Variants in UBXN7 observed in about 807,000 individuals in gnomAD.
UBXN7 encodes the protein UBX domain protein 7.
UBXN7 carries 9 observed loss-of-function variants against 58.0 expected under a neutral mutation model. The observed-to-expected ratio is 0.16, with a 90% CI of 0.09 to 0.27. The LOEUF (loss-of-function observed/expected upper bound fraction) is 0.27, where lower values mean the gene tolerates loss of function less well. UBXN7 is among the 10% of genes least tolerant of loss of function. The probability of loss-of-function intolerance (pLI) is 1.00; values close to 1 mark genes in which losing one functional copy is unlikely to be tolerated. For missense variants in UBXN7, 328 were observed against 599.6 expected, an observed-to-expected ratio of 0.55 and a Z score of 4.73; for synonymous variants, 208 against 205.0, an observed-to-expected ratio of 1.01 and a Z score of -0.12.
At chr3:196,381,097 T>C (rs1423649063) in intron 5 of UBXN7, among the ~76,000 whole-genome samples, 1 of 152,188 alleles carries the variant, frequency 6.6e-6, no homozygotes, top group Non-Finnish European at 1.5e-5. Context: ...GACTTAAACG[T>C]CCCTGTCTAA....
chr3:196,411,559 C>T (rs551621937), intron 1 of UBXN7, among the ~76,000 whole-genome samples: 57 of 152,306 alleles, frequency 3.7e-4, no homozygotes, highest in African/African-American at 1.3e-3. Flanking sequence ...CATCTGTAAT[C>T]CCAGCACTTT....
rs1730191300 is a variant in UBXN7, at chr3:196,407,302, G to A, written c.165C>T (p.Ile55=). 1 of 1,613,862 alleles carries A rather than the reference G, an allele frequency of 6.2e-7. No individual in the cohort carries two copies. Among genetic ancestry groups the A allele is most frequent in the Non-Finnish European group, 8.5e-7 (1 of 1,180,022 alleles). ...AVTMFLDGGG[I]AEEPSTSSAS... ...CTGAACTGGTACTGGGCTCTTCAGCGATTCCTCCACCATCCAAAAACATAG... is the reference window on the plus strand; with the variant it reads ...CTGAACTGGTACTGGGCTCTTCAGCAATTCCTCCACCATCCAAAAACATAG... The change falls in exon 2 of 11, where the codon ATC becomes ATT. Residue 55 remains isoleucine, a synonymous_variant. Coordinates refer to ENST00000296328, the MANE Select transcript of UBXN7 (RefSeq NM_015562.2).
intron 5 of UBXN7, 110 bp downstream of exon 5, chr3:196,391,703 C>T: frequency 1.4e-6 from 1 of 739,282 alleles, no homozygotes; most frequent in Non-Finnish European, 2.2e-6. Context: ...CACTGCAGTC[C>T]AGCCTGGACG....
At position 196,371,950 on chromosome 3, in the gene UBXN7, C is replaced by T. The variant is rs1429840730; in HGVS notation, c.561G>A (p.Val187=). 6.2e-7 allele frequency: 1 copy of T among 1,613,918 alleles called. No individual in the cohort carries two copies. Among genetic ancestry groups the T allele is most frequent in the African/African-American group, 1.3e-5 (1 of 75,038 alleles). The change falls in exon 6 of 11, where the codon GTG becomes GTA. Residue 187 remains valine, a synonymous_variant. Transcript: ENST00000296328. ...DFACQCLNRD[V]WSNEAVKNII... is the part of the protein sequence containing the mutation. ...TATTCTTCACAGCTTCGTTGCTCCA[C>T]ACATCGCGGTTGAGGCACTGACATG...
At chr3:196,417,279 T>C (rs1730526473) in intron 1 of UBXN7, among the ~76,000 whole-genome samples, 1 of 152,124 alleles carries the variant, frequency 6.6e-6, no homozygotes, top group Admixed American at 6.6e-5. Context: ...GCGACTGCAC[T>C]CCAGCCTGGG....
In UBXN7 at chr3:196,355,837, G is replaced by C. The variant is rs1728330524; in HGVS notation, c.*848C>G. The C allele has an allele frequency of 6.6e-6, 1 of 152,144 alleles. No homozygotes were observed. The highest frequency in any genetic ancestry group is 1.5e-5 in the Non-Finnish European group (1 of 68,038). 9.4% of individuals were successfully genotyped at this position (152,144 alleles called of 1,614,324 possible). ...ATCACTGCAGACTCAGACAATGGAG[G>C]GCTCCAAAGGAACTAATATGCTGTG... is the stretch of plus-strand genomic sequence containing the variant. On this transcript the variant is annotated 3_prime_UTR_variant, in exon 11 of 11. Coordinates refer to ENST00000296328, the MANE Select transcript of UBXN7 (RefSeq NM_015562.2).
At position 196,420,316 on chromosome 3, in the gene UBXN7, T is replaced by C. The variant is rs1374928060; in HGVS notation, c.73+12011A>G. On this transcript the variant is annotated intron_variant, in intron 1 of 10. Coordinates refer to ENST00000296328, the MANE Select transcript of UBXN7 (RefSeq NM_015562.2). ...GGGAGGCCAAGGTGGGTGGATCACC[T>C]GAAGTCAGAAGTTTGAGACCAGCTA... Among the ~76,000 whole-genome samples the C allele has an allele frequency of 2.6e-5, 4 of 152,180 alleles. No homozygotes were observed. In the South Asian group the frequency reaches 8.3e-4, roughly 32 times the overall value.
intron 5 of UBXN7, among the ~76,000 whole-genome samples, chr3:196,375,040 A>AAGGAAGGAAGGAAGGAAGGAAGGAAGGG (rs1356697769): frequency 9.6e-5 from 13 of 135,380 alleles, no homozygotes; most frequent in South Asian, 5.5e-4. Flanking sequence ...GGAAGGAAGG[A>AAGGAAGGAAGGAAGGAAGGAAGGAAGGG]AGGGAAAGGA....
At chr3:196,403,758 A>C (rs371498780) in intron 2 of UBXN7, among the ~76,000 whole-genome samples, 3 of 152,206 alleles carry the variant, frequency 2.0e-5, no homozygotes, top group Non-Finnish European at 4.4e-5. Context: ...GCTAATTATG[A>C]AAGAGGCTAA....
At chr3:196,385,979 T>C (rs1017208995) in intron 5 of UBXN7, among the ~76,000 whole-genome samples, 3 of 152,210 alleles carry the variant, frequency 2.0e-5, no homozygotes, top group African/African-American at 7.2e-5. Context: ...GGATTGTTAC[T>C]GTGTCTGCGT....
chr3:196,389,533 G>C (rs529365978), intron 5 of UBXN7, among the ~76,000 whole-genome samples: 1 of 152,276 alleles, frequency 6.6e-6, no homozygotes, highest in South Asian at 2.1e-4. Context: ...CCCCAGTGTT[G>C]GGGGTGGGGC....
rs1039888732 is a variant in UBXN7 at position 196,356,055 on chromosome 3, C to G, written c.*630G>C. Reference sequence around the variant, plus strand: ...CAATAACACATGTCATGGAAATAGTCCTTATAGCTGGGAACATGAAAATCC... The same window carrying G: ...CAATAACACATGTCATGGAAATAGTGCTTATAGCTGGGAACATGAAAATCC... On this transcript the variant is annotated 3_prime_UTR_variant, in exon 11 of 11. Transcript: ENST00000296328. The G allele has an allele frequency of 1.3e-5, 2 of 152,542 alleles. No individual in the cohort carries two copies. The highest frequency in any genetic ancestry group is 2.9e-5 in the Non-Finnish European group (2 of 68,050). 9.4% of individuals were successfully genotyped at this position (152,542 alleles called of 1,614,324 possible).
At chr3:196,382,338 A>G (rs1193760066) in intron 5 of UBXN7, among the ~76,000 whole-genome samples, 2 of 152,240 alleles carry the variant, frequency 1.3e-5, no homozygotes, top group Non-Finnish European at 2.9e-5. Context: ...AATATTCGAC[A>G]TTCTTAAAGA....
intron 1 of UBXN7, among the ~76,000 whole-genome samples, chr3:196,426,311 G>C (rs2108627460): frequency 6.6e-6 from 1 of 151,538 alleles, no homozygotes; most frequent in South Asian, 2.1e-4. Context: ...ACTTGAACCG[G>C]GGAGGCGGAG....
intron 5 of UBXN7, among the ~76,000 whole-genome samples, chr3:196,376,823 A>G (rs1211679156): frequency 6.6e-6 from 1 of 151,964 alleles, no homozygotes; most frequent in Non-Finnish European, 1.5e-5. Context: ...AGGCTGGTTA[A>G]TCACTGGAGC....
At chr3:196,431,988 T>C in intron 1 of UBXN7, 1 of 484,388 alleles carries the variant, frequency 2.1e-6, no homozygotes, top group South Asian at 2.0e-5. Context: ...AGGAGGGCGG[T>C]GGCCCGGGTG....
intron 2 of UBXN7, among the ~76,000 whole-genome samples, chr3:196,403,247 T>C (rs569868962): frequency 1.3e-5 from 2 of 152,110 alleles, no homozygotes; most frequent in African/African-American, 4.8e-5. Flanking sequence ...AACCTCCACC[T>C]CCCGAGTTAA....
Position 196,425,900 on chromosome 3 carries a change from C to T in UBXN7, c.73+6427G>A, listed in dbSNP as rs1296851424. 3.3e-5 allele frequency among the ~76,000 whole-genome samples: 5 copies of T among 152,142 alleles called. No individual in the cohort carries two copies. The East Asian group carries it at 9.6e-4, about 29-fold the overall frequency. On this transcript the variant is annotated intron_variant, in intron 1 of 10. Transcript: ENST00000296328. ...TCCAGTATTAGCTCCTTACCATTCTCTCACTGTATTCTAATACCTATTCGT... is the reference window on the plus strand; with the variant it reads ...TCCAGTATTAGCTCCTTACCATTCTTTCACTGTATTCTAATACCTATTCGT...
intron 5 of UBXN7, among the ~76,000 whole-genome samples, chr3:196,376,545 C>CAA (rs777458391): frequency 0.03 from 1,534 of 50,328 alleles, 95 homozygotes; most frequent in South Asian, 0.07. Flanking sequence ...GACTCTGTCT[C>CAA]AAAAAAAAAA....
Sources: allele counts gnomAD v4.1 joint callset (sites outside exome capture counted in the v4.1 genomes callset), GRCh38; gene constraint gnomAD v4.1.1; transcripts MANE v1.5; gene names NCBI Gene and HGNC (gene_info 2026-07-23, HGNC 2026-07-21).